Variants in C6orf89 observed in about 807,000 individuals in gnomAD.
The protein encoded by C6orf89 is bombesin receptor-activated protein C6orf89.
A neutral mutation model predicts 40.7 loss-of-function variants in C6orf89; 29 were observed. That is an observed-to-expected ratio of 0.71 (90% CI 0.53 to 0.97). C6orf89 has a LOEUF of 0.97. C6orf89 is among the 50% of genes least tolerant of loss of function. The pLI is 0.00. For synonymous variants in C6orf89, 165 were observed against 152.2 expected (o/e 1.08, Z -0.62); for missense variants, 392 against 429.1 (o/e 0.91, Z 0.76).
At chr6:36,919,239 G>A (rs1304336455) in intron 7 of C6orf89, among the ~76,000 whole-genome samples, 2 of 152,200 alleles carry the variant, frequency 1.3e-5, no homozygotes, top group Non-Finnish European at 2.9e-5. Flanking sequence ...CTTTGAAGCT[G>A]TGGCTAAAAA....
intron 4 of C6orf89, among the ~76,000 whole-genome samples, chr6:36,907,276 T>C (rs972764230): frequency 5.1e-5 from 4 of 78,220 alleles, no homozygotes; most frequent in Admixed American, 1.2e-4. Flanking sequence ...GAAAGAAATC[T>C]TTTGTTTTGT....
chr6:36,916,366 C>T, intron 6 of C6orf89, 79 bp from the exon 7 acceptor site: 1 of 1,571,318 alleles, frequency 6.4e-7, no homozygotes, highest in Non-Finnish European at 8.7e-7. Flanking sequence ...ACAGTTTTCC[C>T]ACCCTTACTT....
rs200835368 is a variant in C6orf89, at chr6:36,879,743, A to AC, written c.-503+611_-503+612insC. 7.0e-4 allele frequency among the ~76,000 whole-genome samples: 104 copies of AC among 147,880 alleles called. 3 individuals carry two copies. In the East Asian group the frequency reaches 0.018, roughly 26 times the overall value. On this transcript the variant is annotated intron_variant, in intron 2 of 9. Coordinates refer to the C6orf89 transcript ENST00000359359. The stretch of plus-strand genomic sequence containing the variant: ...ACTTTCCTGCAGGTCCCTGAAACAC[A>AC]AAAAAAAAACTGGATGGGGTCTCCA...
At chr6:36,881,056 G>A (rs1342347921), upstream of C6orf89, among the ~76,000 whole-genome samples, 1 of 152,220 alleles carries the variant, frequency 6.6e-6, no homozygotes, top group East Asian at 1.9e-4. Context: ...GACACCTGTA[G>A]TTAGATGCTG....
intron 6 of C6orf89, among the ~76,000 whole-genome samples, chr6:36,915,250 A>C (rs1440070278): frequency 6.6e-6 from 1 of 152,206 alleles, no homozygotes; most frequent in Non-Finnish European, 1.5e-5. Context: ...CGAAGTATGC[A>C]TTTAGCATTT....
chr6:36,874,688 G>A, intron 1 of C6orf89: 1 of 1,612,220 alleles, frequency 6.2e-7, no homozygotes, highest in Non-Finnish European at 8.5e-7. Context: ...CGTCTCCTCT[G>A]CCAGCCCCAG....
rs1187551779 is a variant in C6orf89, at chr6:36,927,578, C to G, written c.*4137C>G. 6.6e-6 allele frequency: 1 copy of G among 152,210 alleles called. No homozygotes were observed. Among genetic ancestry groups the G allele is most frequent in the Non-Finnish European group, 1.5e-5 (1 of 68,042 alleles). 9.4% of individuals were successfully genotyped at this position (152,210 alleles called of 1,614,324 possible). On this transcript the variant is annotated 3_prime_UTR_variant, in exon 9 of 9. Coordinates refer to ENST00000480824, the MANE Select transcript of C6orf89 (RefSeq NM_001286635.2). ...CTCTCTTGAGTATACAAGTTCCACA[C>G]TCATTACCTTTCAGTGGTGACCCAT...
In C6orf89 at chr6:36,919,743, A is replaced by C. The variant is rs1328562677; in HGVS notation, c.949+42A>C. ...GAGGGCAGGGTCAATGGATCTTTTTAGTTTTTAACTCAAAAGCTATTTTAA... is the reference window on the plus strand; with the variant it reads ...GAGGGCAGGGTCAATGGATCTTTTTCGTTTTTAACTCAAAAGCTATTTTAA... On this transcript the variant is annotated intron_variant, in intron 8 of 8. Coordinates refer to ENST00000480824, the MANE Select transcript of C6orf89 (RefSeq NM_001286635.2). The C allele has an allele frequency of 2.0e-6, 3 of 1,529,518 alleles. No homozygotes were observed. The African/African-American group carries it at 4.2e-5, about 21-fold the overall frequency. 94.7% of individuals were successfully genotyped at this position (1,529,518 alleles called of 1,614,324 possible).
chr6:36,898,741 T>C lies in C6orf89; in HGVS notation c.-19-685T>C, dbSNP rs185757418. On this transcript the variant is annotated intron_variant, in intron 2 of 8. Coordinates refer to ENST00000480824, the MANE Select transcript of C6orf89 (RefSeq NM_001286635.2). ...AAATTAGTTAAAAATCTTAGGTATT[T>C]TAAGTATATAAAATACAAATAAAAT... 2.6e-3 allele frequency among the ~76,000 whole-genome samples: 396 copies of C among 152,278 alleles called. 3 individuals are homozygous for C. Among genetic ancestry groups the C allele is most frequent in the African/African-American group, 8.7e-3 (362 of 41,540 alleles).
At chr6:36,883,069 G>A (rs1254557569), upstream of C6orf89, 1 of 152,224 alleles carries the variant, frequency 6.6e-6, no homozygotes, top group Non-Finnish European at 1.5e-5. Context: ...ATGTTTTCTG[G>A]TTGTATAAAA....
rs888908302 is a variant in C6orf89, at chr6:36,924,559, G to T, written c.*1118G>T. 1 of 152,122 alleles carries T rather than the reference G, an allele frequency of 6.6e-6. No individual in the cohort carries two copies. Among genetic ancestry groups the T allele is most frequent in the African/African-American group, 2.4e-5 (1 of 41,400 alleles). The allele number at this position is 152,122 out of a possible 1,614,324, so 9.4% of individuals were successfully genotyped here. A position where few individuals can be genotyped will look rare whatever the true frequency, so the allele number is the denominator to read the frequency against. ...AATATAAAGCTGTGTGTTTCTGATT[G>T]GATGATTCACTATGTGCATTGTTTT... On this transcript the variant is annotated 3_prime_UTR_variant, in exon 9 of 9. Transcript: ENST00000480824.
intron 7 of C6orf89, among the ~76,000 whole-genome samples, chr6:36,919,332 T>C (rs1258408931): frequency 6.6e-6 from 1 of 152,190 alleles, no homozygotes; most frequent in Non-Finnish European, 1.5e-5. Context: ...ACAGTGCCTC[T>C]TTAGGAGAAC....
chr6:36,895,312 C>T (rs1351849234), intron 2 of C6orf89, among the ~76,000 whole-genome samples: 2 of 152,166 alleles, frequency 1.3e-5, no homozygotes, highest in South Asian at 2.1e-4. Context: ...GGAAATGCTA[C>T]ATCTTAATTT....
rs372584516 is a variant in C6orf89 at position 36,914,307 on chromosome 6, G to A, written c.427G>A (p.Asp143Asn). ...AGACTTTGACCCCTGGTGGACAAAC[G>A]ACTGTGAGCAGAATGAGTCAGAGCC... The part of the protein sequence containing the change: ...FPDFDPWWTN[D>N]CEQNESEPIP... The change falls in exon 5 of 9, where the codon GAC becomes AAC. Residue 143 changes from aspartate (D) to asparagine (N), a missense_variant. Physicochemically the swap from Asp to Asn is conservative, Grantham distance 23. Coordinates refer to ENST00000480824, the MANE Select transcript of C6orf89 (RefSeq NM_001286635.2). The A allele has an allele frequency of 5.8e-5, 93 of 1,613,640 alleles. No homozygotes were observed. In the East Asian group the frequency reaches 7.6e-4, roughly 13 times the overall value.
intron 4 of C6orf89, among the ~76,000 whole-genome samples, chr6:36,905,225 G>A (rs188809235): frequency 6.6e-6 from 1 of 152,324 alleles, no homozygotes; most frequent in East Asian, 1.9e-4. Context: ...CTGAGGCACA[G>A]TATGGTTAGG....
intron 4 of C6orf89, among the ~76,000 whole-genome samples, chr6:36,903,288 A>AT (rs1264656426): frequency 1.3e-4 from 20 of 151,624 alleles, no homozygotes; most frequent in Non-Finnish European, 2.1e-4. Context: ...TTATTTTGGG[A>AT]TTTTTTTGGT....
rs555303380 is a variant in C6orf89, at chr6:36,907,366, A to G, written c.403+4932A>G. Among the ~76,000 whole-genome samples the G allele has an allele frequency of 7.2e-5, 11 of 152,202 alleles. No homozygotes were observed. In the South Asian group the frequency reaches 2.3e-3, roughly 32 times the overall value. On this transcript the variant is annotated intron_variant, in intron 4 of 8. Transcript: ENST00000480824. Reference sequence around the variant, plus strand: ...TACTCTCCCCACTCAGAATTCCAGGATATGTTATGGTTGTCTACAGAGAAC... The same window carrying G: ...TACTCTCCCCACTCAGAATTCCAGGGTATGTTATGGTTGTCTACAGAGAAC...
chr6:36,893,082 C>G (rs544125642), intron 1 of C6orf89, among the ~76,000 whole-genome samples: 121 of 151,734 alleles, frequency 8.0e-4, no homozygotes, highest in African/African-American at 2.7e-3. Flanking sequence ...TTACAGGCCT[C>G]CGCCACCGCG....
chr6:36,886,148 C>A, intron 1 of C6orf89, 120 bp downstream of exon 1: 2 of 920,240 alleles, frequency 2.2e-6, no homozygotes, highest in Non-Finnish European at 1.4e-6. Context: ...TCTATCCCAG[C>A]GCGGATCCCT....
Sources: gnomAD v4.1 joint callset for allele counts (sites outside exome capture counted in the v4.1 genomes callset) on GRCh38, gnomAD v4.1.1 for gene constraint, MANE v1.5 for transcripts, NCBI Gene and HGNC (gene_info 2026-07-23, HGNC 2026-07-21) for gene names.